Variants in UBAC2 observed in about 807,000 individuals in gnomAD.
UBAC2 encodes UBA domain containing 2.
A neutral mutation model predicts 44.0 loss-of-function variants in UBAC2; 26 were observed. That is an observed-to-expected ratio of 0.59 (90% confidence interval 0.43 to 0.82). The LOEUF is 0.82. UBAC2 is among the 40% of genes least tolerant of loss of function. The pLI, the probability that UBAC2 is intolerant of heterozygous loss-of-function variation, is 0.00. For missense variants in UBAC2, 329 were observed against 419.4 expected (o/e 0.78, Z 1.88); for synonymous variants, 155 against 154.3 (o/e 1.00, Z -0.04).
At chr13:99,212,303 TGAA>T (rs763586943) in intron 1 of UBAC2, among the ~76,000 whole-genome samples, 10 of 152,238 alleles carry the variant, frequency 6.6e-5, no homozygotes, top group Non-Finnish European at 1.3e-4. Flanking sequence ...GAGGAGCTCC[TGAA>T]GTTTTAACCC....
chr13:99,201,750 G>A (rs2042803548), intron 1 of UBAC2, among the ~76,000 whole-genome samples: 1 of 152,098 alleles, frequency 6.6e-6, no homozygotes, highest in East Asian at 1.9e-4. Flanking sequence ...GCTGCTGGAG[G>A]ACAGAAACAT....
intron 1 of UBAC2, among the ~76,000 whole-genome samples, chr13:99,204,687 A>G (rs1005662178): frequency 9.9e-5 from 15 of 151,678 alleles, no homozygotes; most frequent in African/African-American, 3.4e-4. Context: ...ACCTGTGGGA[A>G]AGAAAGAGGC....
intron 4 of UBAC2, among the ~76,000 whole-genome samples, chr13:99,248,224 CTTTTA>C (rs982647739): frequency 4.6e-5 from 7 of 151,900 alleles, no homozygotes; most frequent in African/African-American, 9.7e-5. Context: ...TCCTTTCTTT[CTTTTA>C]TTTTATTTTT....
chr13:99,328,284 G>A (rs532275059), intron 6 of UBAC2, among the ~76,000 whole-genome samples: 10 of 152,220 alleles, frequency 6.6e-5, no homozygotes, highest in Non-Finnish European at 1.0e-4. Flanking sequence ...TTGCTTCCAG[G>A]TTTGGATTAT....
intron 6 of UBAC2, among the ~76,000 whole-genome samples, chr13:99,331,385 C>T (rs1489051244): frequency 9.2e-5 from 14 of 152,162 alleles, no homozygotes; most frequent in Non-Finnish European, 4.4e-5. Context: ...CATGATTTCC[C>T]AAAAGGAAAA....
In UBAC2 at chr13:99,295,622, T is replaced by C. The variant is rs1219853784; in HGVS notation, c.390-18475T>C. ...CTCCATGCATGTAATCCTTTCAGCC[T>C]CCTGCTTTGACATAGGGTTGATGAG... On this transcript the variant is annotated intron_variant, in intron 4 of 8. Transcript: ENST00000403766. The surrounding 1 kb of genome is among the most constrained non-coding windows in gnomAD (Gnocchi z 4.1). 6.2e-7 allele frequency: 1 copy of C among 1,614,176 alleles called. No individual in the cohort carries two copies. The highest frequency in any genetic ancestry group is 2.2e-5 in the East Asian group (1 of 44,886).
intron 1 of UBAC2, among the ~76,000 whole-genome samples, chr13:99,202,238 A>G (rs2042812838): frequency 6.6e-6 from 1 of 152,196 alleles, no homozygotes; most frequent in Non-Finnish European, 1.5e-5. Context: ...TTCAATATTT[A>G]TGATTTCCTT....
At chr13:99,328,561 G>T (rs2044671881) in intron 6 of UBAC2, among the ~76,000 whole-genome samples, 1 of 152,132 alleles carries the variant, frequency 6.6e-6, no homozygotes, top group Admixed American at 6.5e-5. Context: ...GTGGTATCTT[G>T]TGGTTTTAAT....
intron 7 of UBAC2, among the ~76,000 whole-genome samples, chr13:99,346,568 C>T (rs1318702092): frequency 1.3e-5 from 2 of 152,228 alleles, no homozygotes; most frequent in African/African-American, 2.4e-5. Context: ...TTTACATCTT[C>T]CCTTTCCTCT....
At chr13:99,286,813 C>T (rs888889016) in intron 4 of UBAC2, among the ~76,000 whole-genome samples, 3 of 152,158 alleles carry the variant, frequency 2.0e-5, no homozygotes, top group African/African-American at 7.2e-5. Context: ...TGCTGAGACT[C>T]CCCTCACATG....
At chr13:99,261,151 A>G (rs951059901) in intron 4 of UBAC2, among the ~76,000 whole-genome samples, 1 of 152,222 alleles carries the variant, frequency 6.6e-6, no homozygotes, top group African/African-American at 2.4e-5. Context: ...GCCTCCCATC[A>G]GTGCGGGGAC....
intron 4 of UBAC2, among the ~76,000 whole-genome samples, chr13:99,288,108 T>A (rs1170036192): frequency 3.3e-5 from 5 of 152,206 alleles, no homozygotes; most frequent in African/African-American, 1.2e-4. Flanking sequence ...TTACTTTTTT[T>A]AGATTAGGTC....
At chr13:99,359,517 A>ATG (rs2045234954) in intron 7 of UBAC2, among the ~76,000 whole-genome samples, 1 of 152,036 alleles carries the variant, frequency 6.6e-6, no homozygotes, top group South Asian at 2.1e-4. Flanking sequence ...CTGTTTCCTA[A>ATG]ATGTGTAAGT....
intron 4 of UBAC2, among the ~76,000 whole-genome samples, chr13:99,261,073 A>G (rs1005780730): frequency 3.9e-5 from 6 of 152,252 alleles, no homozygotes; most frequent in Admixed American, 6.5e-5. Context: ...ACATTTGTCT[A>G]TGCCACAGGT....
intron 2 of UBAC2, among the ~76,000 whole-genome samples, chr13:99,242,101 G>C (rs1446292875): frequency 6.6e-6 from 1 of 152,008 alleles, no homozygotes; most frequent in African/African-American, 2.4e-5. Context: ...ATTTTTCTTA[G>C]TACAGAACAA....
chr13:99,325,098 CTTTTTTTTTTT>C (rs55672515), intron 6 of UBAC2, among the ~76,000 whole-genome samples: 3 of 86,142 alleles, frequency 3.5e-5, no homozygotes, highest in South Asian at 4.4e-4. Context: ...TGTCTATGCT[CTTTTTTTTTTT>C]TTTTTTTTTT....
intron 1 of UBAC2, among the ~76,000 whole-genome samples, chr13:99,236,953 T>C (rs940022906): frequency 2.0e-5 from 3 of 146,392 alleles, no homozygotes; most frequent in African/African-American, 5.0e-5. Context: ...ACAGTCACGA[T>C]GGAAAACAGT....
At chr13:99,330,711 T>C (rs1165786574) in intron 6 of UBAC2, among the ~76,000 whole-genome samples, 1 of 152,124 alleles carries the variant, frequency 6.6e-6, no homozygotes, top group Admixed American at 6.5e-5. Flanking sequence ...AAGTGGTGAA[T>C]GGATATCCTT....
At chr13:99,294,191 A>G (rs2044132967) in intron 4 of UBAC2, among the ~76,000 whole-genome samples, 1 of 152,134 alleles carries the variant, frequency 6.6e-6, no homozygotes, top group African/African-American at 2.4e-5. Flanking sequence ...AACTCAAACC[A>G]TTGAAATACA....
Sources: gnomAD v4.1 joint callset for allele counts (sites outside exome capture counted in the v4.1 genomes callset) on GRCh38, gnomAD v4.1.1 for gene constraint, Gnocchi (gnomAD v3.1) non-coding constraint, MANE v1.5 for transcripts, NCBI Gene and HGNC (gene_info 2026-07-23, HGNC 2026-07-21) for gene names.